SLC24A2: variants seen among roughly 807,000 people sequenced by gnomAD.
SLC24A2 encodes the protein solute carrier family 24 member 2.
Under a neutral mutation model 62.0 loss-of-function variants are expected in SLC24A2, and 36 were observed. The observed-to-expected ratio is 0.58, with a 90% CI of 0.44 to 0.77. The LOEUF (loss-of-function observed/expected upper bound fraction) is 0.77. Among genes scored for constraint, SLC24A2 ranks in the 30% least tolerant of loss-of-function variants. The pLI is 0.00. For synonymous variants in SLC24A2, 358 were observed against 294.0 expected (o/e 1.22, Z -2.23); for missense variants, 846 against 817.9 (o/e 1.03, Z -0.42).
the SLC24A2 span, among the ~76,000 whole-genome samples, chr9:20,001,968 G>T: frequency 0.011 from 1,740 of 152,270 alleles, 22 homozygotes; most frequent in African/African-American, 0.039. Context: ...TACTGTTTAT[G>T]TGAGTTTAAT....
At chr9:19,924,537 T>A in the SLC24A2 span, among the ~76,000 whole-genome samples, 3 of 152,122 alleles carry the variant, frequency 2.0e-5, no homozygotes, top group Non-Finnish European at 4.4e-5. Context: ...TGCTTCCAGA[T>A]ATCTACCCAG....
At chr9:20,154,710 T>C in the SLC24A2 span, among the ~76,000 whole-genome samples, 1 of 151,098 alleles carries the variant, frequency 6.6e-6, no homozygotes, top group Non-Finnish European at 1.5e-5. Flanking sequence ...TGTAACAGAA[T>C]ATAAGATTAA....
At chr9:19,553,615 G>C (rs1834946587) in intron 7 of SLC24A2, among the ~76,000 whole-genome samples, 1 of 152,164 alleles carries the variant, frequency 6.6e-6, no homozygotes, top group Non-Finnish European at 1.5e-5. Flanking sequence ...AAGAGTCAGT[G>C]CAGCATGCTG....
the SLC24A2 span, among the ~76,000 whole-genome samples, chr9:20,129,089 CA>C: frequency 2.6e-5 from 4 of 151,274 alleles, no homozygotes; most frequent in Non-Finnish European, 4.4e-5. Flanking sequence ...AACTCAACAG[CA>C]AAAAAAACCA....
the SLC24A2 span, among the ~76,000 whole-genome samples, chr9:20,264,861 A>C: frequency 6.6e-6 from 1 of 152,258 alleles, no homozygotes; most frequent in Non-Finnish European, 1.5e-5. Context: ...AATGCCTTCC[A>C]GAGGTCTATC....
At chr9:19,648,249 T>C (rs1490258202) in intron 2 of SLC24A2, among the ~76,000 whole-genome samples, 1 of 152,168 alleles carries the variant, frequency 6.6e-6, no homozygotes, top group Non-Finnish European at 1.5e-5. Flanking sequence ...TAATCAGTGG[T>C]ACTGCCACAT....
chr9:19,678,568 A>T (rs1819623761), intron 2 of SLC24A2, among the ~76,000 whole-genome samples: 1 of 152,196 alleles, frequency 6.6e-6, no homozygotes, highest in Non-Finnish European at 1.5e-5. Flanking sequence ...CTTGAATTTT[A>T]CTGTTCATCC....
chr9:19,902,377 G>A, the SLC24A2 span, among the ~76,000 whole-genome samples: 3 of 152,156 alleles, frequency 2.0e-5, no homozygotes, highest in African/African-American at 2.4e-5. Context: ...TTTAGACAAG[G>A]AGAAAAGCCT....
At chr9:20,029,721 G>A in the SLC24A2 span, among the ~76,000 whole-genome samples, 1 of 152,212 alleles carries the variant, frequency 6.6e-6, no homozygotes. Context: ...TACAAAGGTG[G>A]AAATGGGATT....
chr9:19,892,195 C>T, the SLC24A2 span, among the ~76,000 whole-genome samples: 1 of 152,126 alleles, frequency 6.6e-6, no homozygotes, highest in African/African-American at 2.4e-5. Context: ...CTGCCTCTTT[C>T]TCATAGTTCA....
chr9:19,770,566 A>G (rs1156543237), intron 2 of SLC24A2, among the ~76,000 whole-genome samples: 1 of 152,140 alleles, frequency 6.6e-6, no homozygotes, highest in African/African-American at 2.4e-5. Flanking sequence ...TTACCTTACT[A>G]ACTATCATAC....
intron 2 of SLC24A2, among the ~76,000 whole-genome samples, chr9:19,647,776 T>C (rs1818686272): frequency 6.6e-6 from 1 of 152,210 alleles, no homozygotes; most frequent in Non-Finnish European, 1.5e-5. Flanking sequence ...CTCACCTCTA[T>C]ATAAATCATT....
the SLC24A2 span, among the ~76,000 whole-genome samples, chr9:20,220,025 A>T: frequency 3.3e-5 from 5 of 152,138 alleles, no homozygotes; most frequent in Non-Finnish European, 5.9e-5. Context: ...ATGCTATATA[A>T]GTGTAATTTA....
the SLC24A2 span, among the ~76,000 whole-genome samples, chr9:20,031,234 T>C: frequency 5.3e-5 from 8 of 150,072 alleles, no homozygotes; most frequent in Non-Finnish European, 8.9e-5. Context: ...ACACCCTGTG[T>C]GTGTGTGTTA....
the SLC24A2 span, among the ~76,000 whole-genome samples, chr9:20,038,975 G>A: frequency 1.8e-4 from 28 of 152,118 alleles, no homozygotes; most frequent in African/African-American, 6.3e-4. Context: ...AAATGGATGC[G>A]TCTTAAATAG....
At chr9:19,590,699 C>A (rs1326049034) in intron 5 of SLC24A2, among the ~76,000 whole-genome samples, 1 of 152,008 alleles carries the variant, frequency 6.6e-6, no homozygotes, top group Non-Finnish European at 1.5e-5. Flanking sequence ...ACCTTAGTGC[C>A]TTCACCTACT....
the SLC24A2 span, among the ~76,000 whole-genome samples, chr9:20,251,151 C>A: frequency 1.3e-5 from 2 of 152,198 alleles, no homozygotes; most frequent in Non-Finnish European, 2.9e-5. Context: ...CACAACCAAC[C>A]TTTGGGAAAA....
At chr9:20,062,272 T>G in the SLC24A2 span, among the ~76,000 whole-genome samples, 2 of 151,894 alleles carry the variant, frequency 1.3e-5, no homozygotes, top group Admixed American at 6.6e-5. Flanking sequence ...CAAAACAGCA[T>G]GGTAAAGGTA....
At chr9:20,276,459 A>T in the SLC24A2 span, among the ~76,000 whole-genome samples, 1 of 152,148 alleles carries the variant, frequency 6.6e-6, no homozygotes, top group African/African-American at 2.4e-5. Flanking sequence ...GTGGCTTTGC[A>T]GGGTACAGCC....
Sources: allele counts gnomAD v4.1 joint callset (sites outside exome capture counted in the v4.1 genomes callset), GRCh38; gene constraint gnomAD v4.1.1; transcripts MANE v1.5; gene names NCBI Gene and HGNC (gene_info 2026-07-23, HGNC 2026-07-21).